Variants in GOLM1 observed in about 807,000 individuals in gnomAD.
The protein encoded by GOLM1 is golgi membrane protein 1, also known as epididymis luminal protein 46.
In GOLM1, 31 loss-of-function variants were observed where a neutral mutation model predicts 50.5. The ratio of observed to expected loss-of-function variants is 0.61; its 90% CI spans 0.46 to 0.83. The LOEUF is 0.83. Ranked by LOEUF, GOLM1 falls within the 40% of genes least tolerant of loss-of-function variation. The pLI, the probability that GOLM1 is intolerant of heterozygous loss-of-function variation, is 0.00. For synonymous variants in GOLM1, 178 were observed against 192.8 expected (o/e 0.92, Z 0.64); for missense variants, 491 against 501.3 (o/e 0.98, Z 0.20).
rs1480881480 is a variant in GOLM1, at chr9:86,082,173, C to T, written c.-21-2832G>A. Among the ~76,000 whole-genome samples the T allele has an allele frequency of 3.3e-5, 5 of 150,808 alleles. No homozygotes were observed. In the East Asian group the frequency reaches 8.2e-4, roughly 25 times the overall value. ...CCTCCCGAGTAGCTGGGACTACAGG[C>T]ACCTGCCACCACACCTGGCTAATTT... is the stretch of plus-strand genomic sequence containing the variant. On this transcript the variant is annotated intron_variant, in intron 1 of 9. Transcript: ENST00000388712.
intron 3 of GOLM1, among the ~76,000 whole-genome samples, chr9:86,058,631 G>A (rs971306854): frequency 1.1e-4 from 16 of 146,820 alleles, no homozygotes; most frequent in Non-Finnish European, 2.2e-4. Flanking sequence ...AGGAGGCGGA[G>A]GTTGCAGTGA....
rs1013490374 is a variant in GOLM1 at position 86,027,520 on chromosome 9, G to A, written c.*297C>T. On this transcript the variant is annotated 3_prime_UTR_variant, in exon 10 of 10. Coordinates refer to ENST00000388712, the MANE Select transcript of GOLM1 (RefSeq NM_016548.4). ...TTATATTCCAGAATCAGGAAGCCCC[G>A]CTGTCGCCAACACTTGAAGGAGAAC... The A allele has an allele frequency of 3.6e-5, 42 of 1,172,294 alleles. No homozygotes were observed. The highest frequency in any genetic ancestry group is 1.1e-4 in the South Asian group (4 of 37,942). 72.6% of individuals were successfully genotyped at this position (1,172,294 alleles called of 1,614,324 possible).
chr9:86,051,410 G>A (rs546501208), intron 4 of GOLM1, among the ~76,000 whole-genome samples: 2 of 152,228 alleles, frequency 1.3e-5, no homozygotes, highest in African/African-American at 4.8e-5. Context: ...TTCAAGTCCT[G>A]GATATCCTTG....
chr9:86,097,403 T>G (rs751708612), intron 1 of GOLM1, among the ~76,000 whole-genome samples: 1 of 152,222 alleles, frequency 6.6e-6, no homozygotes, highest in Non-Finnish European at 1.5e-5. Flanking sequence ...AAATGTTATT[T>G]CTCACATTAC....
intron 3 of GOLM1, among the ~76,000 whole-genome samples, chr9:86,054,443 C>G (rs1229217968): frequency 1.3e-5 from 2 of 152,126 alleles, no homozygotes; most frequent in African/African-American, 2.4e-5. Flanking sequence ...AGGCTGGTCT[C>G]AAACTTCTGA....
chr9:86,040,945 A>G, intron 5 of GOLM1, 77 bp from the exon 6 acceptor site: 1 of 1,413,976 alleles, frequency 7.1e-7, no homozygotes, highest in Non-Finnish European at 9.8e-7. Context: ...CCACTTCCAT[A>G]AGAGACACAG....
Position 86,026,375 on chromosome 9 carries a change from T to C in GOLM1, c.*1442A>G, listed in dbSNP as rs921794701. 3.0e-6 allele frequency: 3 copies of C among 985,160 alleles called. No individual in the cohort carries two copies. The highest frequency in any genetic ancestry group is 1.7e-5 in the African/African-American group (1 of 57,186). 61.0% of individuals were successfully genotyped at this position (985,160 alleles called of 1,614,324 possible). The stretch of plus-strand genomic sequence containing the variant: ...CCTTAGTGACTAAGGACATCACATA[T>C]GAAGAATGTTTAAGTTGGAGGTGGC... On this transcript the variant is annotated 3_prime_UTR_variant, in exon 10 of 10. Transcript: ENST00000388712.
At chr9:86,065,520 G>A (rs2118803392) in intron 3 of GOLM1, among the ~76,000 whole-genome samples, 1 of 152,234 alleles carries the variant, frequency 6.6e-6, no homozygotes, top group East Asian at 1.9e-4. Flanking sequence ...AGCAAAGCTG[G>A]CCCAGAGAGA....
Position 86,075,105 on chromosome 9 carries a change from GGACACCGCAAGAAGAA to G in GOLM1, c.309+2291_309+2306del, listed in dbSNP as rs556894460. ...CTGCCTTGCCCCTTCCACCAGGCAA[GGACACCGCAAGAAGAA>G]GGCATCCATGAACCTGGAAGTGGGC... On this transcript the variant is annotated intron_variant, in intron 3 of 9. Transcript: ENST00000388712. Among the ~76,000 whole-genome samples, 19 of 152,320 alleles carry G rather than the reference GGACACCGCAAGAAGAA, an allele frequency of 1.2e-4. No homozygotes were observed. In the South Asian group the frequency reaches 3.9e-3, roughly 32 times the overall value.
chr9:86,031,134 C>T (rs573900056), intron 9 of GOLM1, among the ~76,000 whole-genome samples: 19 of 151,960 alleles, frequency 1.3e-4, no homozygotes, highest in South Asian at 2.1e-4. Context: ...CGCTTGAACC[C>T]GGGAGGCAGA....
intron 3 of GOLM1, among the ~76,000 whole-genome samples, chr9:86,071,394 G>C (rs1834442720): frequency 6.6e-6 from 1 of 152,032 alleles, no homozygotes; most frequent in Non-Finnish European, 1.5e-5. Flanking sequence ...ATGCAACAAT[G>C]GTGGTCAGGC....
intron 9 of GOLM1, among the ~76,000 whole-genome samples, chr9:86,028,314 C>T (rs1832850242): frequency 6.6e-6 from 1 of 152,204 alleles, no homozygotes; most frequent in African/African-American, 2.4e-5. Flanking sequence ...CAGAAGAACA[C>T]ATCGAAAGAC....
intron 1 of GOLM1, among the ~76,000 whole-genome samples, chr9:86,087,163 T>TGGA (rs1835001051): frequency 6.6e-6 from 1 of 152,220 alleles, no homozygotes; most frequent in Non-Finnish European, 1.5e-5. Context: ...GAAGAGGTCC[T>TGGA]TCACATCCCT....
Position 86,059,077 on chromosome 9 carries a change from AC to A in GOLM1, c.310-6487del, listed in dbSNP as rs71505773. ...GTGGAAAAGCTGGAGAGAAACTAGA[AC>A]CCCCCCCCAATACACAGTGGCTAAG... On this transcript the variant is annotated intron_variant, in intron 3 of 9. Coordinates refer to ENST00000388712, the MANE Select transcript of GOLM1 (RefSeq NM_016548.4). Among the ~76,000 whole-genome samples, 1,344 of 149,634 alleles carry A rather than the reference AC, an allele frequency of 9.0e-3. 15 individuals are homozygous for A. The highest frequency in any genetic ancestry group is 0.03 in the African/African-American group (1,230 of 40,696).
intron 3 of GOLM1, among the ~76,000 whole-genome samples, chr9:86,058,639 T>C (rs1465108222): frequency 2.1e-5 from 3 of 140,826 alleles, no homozygotes; most frequent in African/African-American, 8.3e-5. Flanking sequence ...GAGGTTGCAG[T>C]GAGCTGAGAT....
intron 6 of GOLM1, chr9:86,036,848 C>T (rs1165582734): frequency 4.0e-6 from 1 of 251,484 alleles, no homozygotes; most frequent in East Asian, 1.1e-4. Context: ...ACGAAACAAA[C>T]ATCTGCAGAA....
At chr9:86,039,508 T>C (rs991432168) in intron 6 of GOLM1, among the ~76,000 whole-genome samples, 2 of 152,202 alleles carry the variant, frequency 1.3e-5, no homozygotes, top group African/African-American at 4.8e-5. Flanking sequence ...CATACGGCAT[T>C]ATTCATAATA....
chr9:86,070,492 A>G (rs1563962878), intron 3 of GOLM1, among the ~76,000 whole-genome samples: 1 of 150,610 alleles, frequency 6.6e-6, no homozygotes, highest in Non-Finnish European at 1.5e-5. Context: ...AACTGCTTGA[A>G]CCCAGGAGGC....
intron 9 of GOLM1, among the ~76,000 whole-genome samples, chr9:86,029,951 C>T (rs1034197039): frequency 2.0e-5 from 3 of 152,182 alleles, no homozygotes; most frequent in African/African-American, 7.2e-5. Context: ...GTGGCTCACA[C>T]CTGTAATCCC....
Sources: gnomAD v4.1 joint callset for allele counts (sites outside exome capture counted in the v4.1 genomes callset) on GRCh38, gnomAD v4.1.1 for gene constraint, MANE v1.5 for transcripts, NCBI Gene and HGNC (gene_info 2026-07-23, HGNC 2026-07-21) for gene names.